Variants in ABRACL observed in about 807,000 individuals in gnomAD.
ABRACL encodes costars family protein ABRACL.
A neutral mutation model predicts 7.0 loss-of-function variants in ABRACL; 4 were observed. That is an observed-to-expected ratio of 0.57 (90% CI 0.28 to 1.30). The LOEUF (loss-of-function observed/expected upper bound fraction) is 1.30. ABRACL is among the 50% of genes most tolerant of loss of function. The probability of loss-of-function intolerance (pLI) is 0.10; values close to 1 mark genes in which losing one functional copy is unlikely to be tolerated. For synonymous variants in ABRACL, 30 were observed against 36.0 expected (o/e 0.83, Z 0.60); for missense variants, 104 against 97.3 (o/e 1.07, Z -0.29).
At chr6:139,036,103 C>CAACA (rs1786152099) in intron 2 of ABRACL, among the ~76,000 whole-genome samples, 1 of 151,372 alleles carries the variant, frequency 6.6e-6, no homozygotes, top group Non-Finnish European at 1.5e-5. Flanking sequence ...GACTTTGTCT[C>CAACA]AACAAACAAA....
chr6:139,030,430 T>C (rs1160037819), intron 1 of ABRACL, among the ~76,000 whole-genome samples: 1 of 152,202 alleles, frequency 6.6e-6, no homozygotes, highest in Non-Finnish European at 1.5e-5. Context: ...GCCCCCTTCA[T>C]TGTTCTTCAT....
intron 2 of ABRACL, among the ~76,000 whole-genome samples, 162 bp from the exon 3 acceptor site, chr6:139,042,557 T>G (rs1443709244): frequency 6.6e-6 from 1 of 152,250 alleles, no homozygotes; most frequent in African/African-American, 2.4e-5. Flanking sequence ...CATTACTTTT[T>G]GGATCAGGGA....
chr6:139,040,016 C>T (rs1786220843), intron 2 of ABRACL, among the ~76,000 whole-genome samples: 1 of 151,924 alleles, frequency 6.6e-6, no homozygotes, highest in South Asian at 2.1e-4. Flanking sequence ...CTCTTGAGTC[C>T]AGGAGTTCGA....
intron 1 of ABRACL, 97 bp downstream of exon 1, chr6:139,028,972 G>C (rs934772743): frequency 1.3e-5 from 2 of 152,474 alleles, no homozygotes; most frequent in South Asian, 4.1e-4. Flanking sequence ...TGAGAGTCGG[G>C]TCAGGAGGGG....
At chr6:139,031,388 A>G (rs973592709) in intron 1 of ABRACL, among the ~76,000 whole-genome samples, 3 of 152,250 alleles carry the variant, frequency 2.0e-5, no homozygotes, top group African/African-American at 7.2e-5. Flanking sequence ...TCATATAAGT[A>G]CATAAAAAAG....
In ABRACL at chr6:139,042,995, T is replaced by C. The variant is rs565297826; in HGVS notation, c.*92T>C. 9.0e-7 allele frequency: 1 copy of C among 1,109,364 alleles called. No individual in the cohort carries two copies. Among genetic ancestry groups the C allele is most frequent in the African/African-American group, 1.6e-5 (1 of 62,818 alleles). 68.7% of individuals were successfully genotyped at this position (1,109,364 alleles called of 1,614,324 possible). On this transcript the variant is annotated 3_prime_UTR_variant, in exon 3 of 3. Transcript: ENST00000367660. ...AACAAACATTTGAACATACTTAATG[T>C]ATTTTTATAGAACTTTGTAAACGAA...
Position 139,036,976 on chromosome 6 carries a change from C to T in ABRACL, c.61+2755C>T, listed in dbSNP as rs369061178. On this transcript the variant is annotated intron_variant, in intron 2 of 2. Transcript: ENST00000367660. ...TCCACCCTGGGGGACAGAGTGAGAC[C>T]CTGTCTCAAAACAAAAACAAAAACA... Among the ~76,000 whole-genome samples, 8 of 151,776 alleles carry T rather than the reference C, an allele frequency of 5.3e-5. No homozygotes were observed. In the East Asian group the frequency reaches 1.6e-3, roughly 29 times the overall value.
intron 2 of ABRACL, among the ~76,000 whole-genome samples, chr6:139,037,256 T>C (rs1786173451): frequency 6.6e-6 from 1 of 152,000 alleles, no homozygotes; most frequent in Non-Finnish European, 1.5e-5. Context: ...TTGGAAAATA[T>C]AATTTATTTA....
At chr6:139,030,402 A>C (rs1786064563) in intron 1 of ABRACL, among the ~76,000 whole-genome samples, 1 of 152,048 alleles carries the variant, frequency 6.6e-6, no homozygotes, top group Admixed American at 6.5e-5. Context: ...TATACCCATC[A>C]ACCTCTCTTC....
intron 2 of ABRACL, among the ~76,000 whole-genome samples, chr6:139,036,988 C>A (rs12201241): frequency 2.0e-5 from 3 of 150,364 alleles, no homozygotes; most frequent in Non-Finnish European, 4.4e-5. Context: ...TGTCTCAAAA[C>A]AAAAACAAAA....
chr6:139,039,488 T>G (rs902538353), intron 2 of ABRACL, among the ~76,000 whole-genome samples: 1 of 152,200 alleles, frequency 6.6e-6, no homozygotes, highest in African/African-American at 2.4e-5. Context: ...ATACTCAGTT[T>G]TATAAGAAGA....
At chr6:139,030,918 G>A (rs1786073229) in intron 1 of ABRACL, among the ~76,000 whole-genome samples, 1 of 152,196 alleles carries the variant, frequency 6.6e-6, no homozygotes, top group Non-Finnish European at 1.5e-5. Context: ...TAATTATAAA[G>A]AAACGCTGGT....
chr6:139,037,987 G>C (rs1180871933), intron 2 of ABRACL, among the ~76,000 whole-genome samples: 2 of 152,134 alleles, frequency 1.3e-5, no homozygotes, highest in African/African-American at 4.8e-5. Context: ...ATGTTGGCCA[G>C]GCTGGTCTCG....
At chr6:139,033,893 C>T (rs997952222) in intron 1 of ABRACL, among the ~76,000 whole-genome samples, 3 of 152,096 alleles carry the variant, frequency 2.0e-5, no homozygotes, top group Non-Finnish European at 2.9e-5. Context: ...TGTAGTGAAT[C>T]GTGGGTGCAA....
chr6:139,041,493 A>ATGTGTGTG (rs770093258), intron 2 of ABRACL, among the ~76,000 whole-genome samples: 21 of 122,484 alleles, frequency 1.7e-4, no homozygotes, highest in East Asian at 2.3e-4. Context: ...ATATATATAT[A>ATGTGTGTG]TGTGTGTGTG....
At chr6:139,039,036 C>T (rs920480615) in intron 2 of ABRACL, among the ~76,000 whole-genome samples, 2 of 152,050 alleles carry the variant, frequency 1.3e-5, no homozygotes, top group African/African-American at 4.8e-5. Context: ...CCAGCTTGGC[C>T]AACATGGTGA....
intron 2 of ABRACL, among the ~76,000 whole-genome samples, chr6:139,036,444 C>G (rs1290860640): frequency 6.6e-6 from 1 of 151,956 alleles, no homozygotes; most frequent in Non-Finnish European, 1.5e-5. Context: ...TCTTTTTTGT[C>G]TTAGTCACTC....
intron 2 of ABRACL, 190 bp downstream of exon 2, chr6:139,034,411 G>C (rs901307835): frequency 1.3e-6 from 2 of 1,533,796 alleles, no homozygotes; most frequent in Non-Finnish European, 8.8e-7. Context: ...GGCTTTTGGG[G>C]TATTGTGATT....
intron 2 of ABRACL, 139 bp downstream of exon 2, chr6:139,034,360 T>TG (rs1786124420): frequency 1.3e-6 from 2 of 1,569,428 alleles, no homozygotes; most frequent in South Asian, 2.3e-5. Context: ...AGCCCCAGGT[T>TG]ATAACTGCCC....
Sources: allele counts gnomAD v4.1 joint callset (sites outside exome capture counted in the v4.1 genomes callset), GRCh38; gene constraint gnomAD v4.1.1; transcripts MANE v1.5; gene names NCBI Gene and HGNC (gene_info 2026-07-23, HGNC 2026-07-21).